The following CHRNB3 variants were observed in gnomAD, a reference collection of about 807,000 sequenced individuals.
CHRNB3 encodes cholinergic receptor nicotinic beta 3 subunit.
CHRNB3 carries 37 observed loss-of-function variants against 40.6 expected under a neutral mutation model. That is an observed-to-expected ratio of 0.91 (90% CI 0.70 to 1.20). The LOEUF (loss-of-function observed/expected upper bound fraction) is 1.20. Among genes scored for constraint, CHRNB3 ranks in the 50% most tolerant of loss-of-function variants. The pLI is 0.00. For missense variants in CHRNB3, 505 were observed against 551.2 expected, an observed-to-expected ratio of 0.92 and a Z score of 0.84; for synonymous variants, 207 against 207.1, an observed-to-expected ratio of 1.00 and a Z score of 0.00.
intron 3 of CHRNB3, chr8:42,726,154 G>A (rs924513718): frequency 5.1e-6 from 7 of 1,366,524 alleles, no homozygotes; most frequent in African/African-American, 1.4e-5. Flanking sequence ...TGGCTTTGAG[G>A]GCTTGATAAG....
intron 3 of CHRNB3, among the ~76,000 whole-genome samples, chr8:42,729,709 G>C (rs1025211599): frequency 1.3e-5 from 2 of 152,062 alleles, no homozygotes; most frequent in African/African-American, 4.8e-5. Flanking sequence ...CTAACTCTCT[G>C]AACTCCCGCA....
chr8:42,725,928 T>TA lies in CHRNB3; in HGVS notation c.250-4663dup, dbSNP rs1816301059. ...GTCTCGCAATGGTTCTCTGCACCAG[T>TA]AAACTCACGCCATCAATCCTTTCGA... On this transcript the variant is annotated intron_variant, in intron 3 of 5. Transcript: ENST00000289957. The TA allele has an allele frequency of 1.3e-5, 12 of 900,680 alleles. No homozygotes were observed. The Admixed American group carries it at 2.1e-4, about 15-fold the overall frequency. 55.8% of individuals were successfully genotyped at this position (900,680 alleles called of 1,614,324 possible).
At position 42,737,398 on chromosome 8, in the gene CHRNB3, G is replaced by C. The variant is rs1338784984; in HGVS notation, c.*780G>C. On this transcript the variant is annotated 3_prime_UTR_variant, in exon 6 of 6. Coordinates refer to ENST00000289957, the MANE Select transcript of CHRNB3 (RefSeq NM_000749.5). ...CCCATTATCTTTTCCTAGTAAACTA[G>C]TGTACAGAACATTCTCTGATTAATG... The C allele has an allele frequency of 6.6e-6, 1 of 152,142 alleles. No homozygotes were observed. The highest frequency in any genetic ancestry group is 1.5e-5 in the Non-Finnish European group (1 of 68,050). 9.4% of individuals were successfully genotyped at this position (152,142 alleles called of 1,614,324 possible).
At chr8:42,720,111 C>CTTT (rs869178430) in intron 3 of CHRNB3, among the ~76,000 whole-genome samples, 669 of 48,762 alleles carry the variant, frequency 0.014, 120 homozygotes, top group African/African-American at 0.032. Context: ...CAGAAGCCTT[C>CTTT]TTTTTTTTTT....
intron 3 of CHRNB3, among the ~76,000 whole-genome samples, chr8:42,719,924 G>GCC (rs1181441160): frequency 7.2e-5 from 11 of 152,016 alleles, no homozygotes; most frequent in South Asian, 2.1e-4. Flanking sequence ...GTCCCACCTA[G>GCC]CCTCTTTTTC....
At chr8:42,699,940 C>T (rs1815753191) in intron 1 of CHRNB3, among the ~76,000 whole-genome samples, 1 of 145,096 alleles carries the variant, frequency 6.9e-6, no homozygotes, top group African/African-American at 2.6e-5. Flanking sequence ...ACAAAATATA[C>T]CAAAAGGCAT....
At chr8:42,707,928 T>C (rs1815945506) in intron 1 of CHRNB3, among the ~76,000 whole-genome samples, 1 of 152,218 alleles carries the variant, frequency 6.6e-6, no homozygotes, top group African/African-American at 2.4e-5. Flanking sequence ...ATAACGCCCA[T>C]TGCTCCCATC....
chr8:42,725,898 G>A (rs1207087845), intron 3 of CHRNB3: 11 of 845,950 alleles, frequency 1.3e-5, no homozygotes, highest in Non-Finnish European at 2.0e-5. Context: ...TTTTCTTTGG[G>A]CAAAGTCTCG....
At chr8:42,706,916 A>G (rs1038132531) in intron 1 of CHRNB3, among the ~76,000 whole-genome samples, 2 of 151,974 alleles carry the variant, frequency 1.3e-5, no homozygotes, top group African/African-American at 4.8e-5. Flanking sequence ...GTGTGCCACC[A>G]TGCCCGGCTA....
intron 1 of CHRNB3, 62 bp downstream of exon 1, chr8:42,697,660 A>G: frequency 8.2e-7 from 1 of 1,215,274 alleles, no homozygotes; most frequent in Non-Finnish European, 1.2e-6. Flanking sequence ...AGAGGAGGCA[A>G]AACTATGGTG....
At chr8:42,710,702 G>A (rs566565612) in intron 3 of CHRNB3, among the ~76,000 whole-genome samples, 72 of 152,258 alleles carry the variant, frequency 4.7e-4, no homozygotes, top group African/African-American at 1.5e-3. Context: ...CATAAGGCCT[G>A]GGGATGGGCC....
chr8:42,716,473 A>AAGGACAGCGGC (rs1473786242), intron 3 of CHRNB3, among the ~76,000 whole-genome samples: 3 of 152,234 alleles, frequency 2.0e-5, no homozygotes, highest in African/African-American at 7.2e-5. Flanking sequence ...GAAAGAACTC[A>AAGGACAGCGGC]AGGACAGCGG....
At chr8:42,699,719 C>G (rs1314135049) in intron 1 of CHRNB3, among the ~76,000 whole-genome samples, 1 of 150,156 alleles carries the variant, frequency 6.7e-6, no homozygotes, top group Non-Finnish European at 1.5e-5. Flanking sequence ...AAGCCGAGAT[C>G]ACACCACTGC....
intron 3 of CHRNB3, among the ~76,000 whole-genome samples, chr8:42,717,974 A>G (rs1166307295): frequency 6.6e-6 from 1 of 151,812 alleles, no homozygotes; most frequent in African/African-American, 2.4e-5. Context: ...CTGTGATTAC[A>G]GGCATGTGCC....
chr8:42,729,477 C>T (rs1236178955), intron 3 of CHRNB3, among the ~76,000 whole-genome samples: 1 of 152,080 alleles, frequency 6.6e-6, no homozygotes, highest in Non-Finnish European at 1.5e-5. Context: ...TTTTTAAAGG[C>T]CCATACATCT....
intron 3 of CHRNB3, among the ~76,000 whole-genome samples, chr8:42,722,112 G>A (rs1431168574): frequency 1.3e-5 from 2 of 151,942 alleles, no homozygotes; most frequent in Non-Finnish European, 2.9e-5. Context: ...GGTGGCTCAC[G>A]CCTGTAATCC....
intron 3 of CHRNB3, among the ~76,000 whole-genome samples, chr8:42,720,465 A>C (rs1816203375): frequency 6.6e-6 from 1 of 151,986 alleles, no homozygotes; most frequent in Non-Finnish European, 1.5e-5. Context: ...TCTCCATGGA[A>C]ATGCCTTCCC....
intron 1 of CHRNB3, among the ~76,000 whole-genome samples, chr8:42,700,291 A>G (rs1022596776): frequency 2.0e-5 from 3 of 150,530 alleles, no homozygotes; most frequent in South Asian, 2.1e-4. Context: ...CTGGGATTAC[A>G]GGTGTGAGCC....
chr8:42,730,102 G>A (rs1378573359), intron 3 of CHRNB3, among the ~76,000 whole-genome samples: 3 of 152,148 alleles, frequency 2.0e-5, no homozygotes, highest in Non-Finnish European at 4.4e-5. Flanking sequence ...ATGTGATCAA[G>A]AAGAATTCAT....
Sources: gnomAD v4.1 joint callset for allele counts (sites outside exome capture counted in the v4.1 genomes callset) on GRCh38, gnomAD v4.1.1 for gene constraint, MANE v1.5 for transcripts, NCBI Gene and HGNC (gene_info 2026-07-23, HGNC 2026-07-21) for gene names.